SLC27A2: variants seen among roughly 807,000 people sequenced by gnomAD.
The protein encoded by SLC27A2 is solute carrier family 27 member 2.
A neutral mutation model predicts 60.0 loss-of-function variants in SLC27A2; 54 were observed. That is an observed-to-expected ratio of 0.90 (90% confidence interval 0.72 to 1.13). The LOEUF is 1.13. Among genes scored for constraint, SLC27A2 ranks in the 50% most tolerant of loss-of-function variants. The pLI is 0.00. For synonymous variants in SLC27A2, 297 were observed against 297.6 expected, an observed-to-expected ratio of 1.00 and a Z score of 0.02; for missense variants, 739 against 777.6, an observed-to-expected ratio of 0.95 and a Z score of 0.59.
At chr15:50,184,100 C>G (rs2044899472) in intron 1 of SLC27A2, among the ~76,000 whole-genome samples, 1 of 147,792 alleles carries the variant, frequency 6.8e-6, no homozygotes, top group East Asian at 2.1e-4. Context: ...AAGCGATCCT[C>G]CCAGCTCAGC....
chr15:50,201,549 G>GT (rs1297849251), intron 2 of SLC27A2, among the ~76,000 whole-genome samples: 1 of 151,018 alleles, frequency 6.6e-6, no homozygotes, highest in African/African-American at 2.4e-5. Context: ...ATGCAAAAGA[G>GT]TGTGCATATT....
At position 50,182,853 on chromosome 15, in the gene SLC27A2, C is replaced by T. The variant is rs1160558432; in HGVS notation, c.426C>T (p.Ser142=). The part of the protein sequence containing the change: ...ACLNYNIRAK[S]LLHCFQCCGA... ...TCAATTACAACATCCGCGCGAAGTC[C>T]CTGCTGCACTGCTTCCAGTGCTGCG... The change falls in exon 1 of 10, where the codon TCC becomes TCT. Residue 142 remains serine, a synonymous_variant. Coordinates refer to ENST00000267842, the MANE Select transcript of SLC27A2 (RefSeq NM_003645.4). The T allele has an allele frequency of 5.0e-6, 8 of 1,612,974 alleles. No homozygotes were observed. The highest frequency in any genetic ancestry group is 5.9e-6 in the Non-Finnish European group (7 of 1,179,938).
rs1000665865 is a variant in SLC27A2, at chr15:50,236,264, A to G, written c.*168A>G. 4.0e-6 allele frequency: 2 copies of G among 501,372 alleles called. No individual in the cohort carries two copies. The highest frequency in any genetic ancestry group is 4.5e-5 in the South Asian group (1 of 22,360). 31.1% of individuals were successfully genotyped at this position (501,372 alleles called of 1,614,324 possible). A position where few individuals can be genotyped will look rare whatever the true frequency, so the allele number is the denominator to read the frequency against. ...TAACAGTTGAGTCTTTGCAAGTAAA[A>G]AGATTTAGAGATTATTATTTTTCAG... is the stretch of plus-strand genomic sequence containing the variant. On this transcript the variant is annotated 3_prime_UTR_variant, in exon 10 of 10. Coordinates refer to ENST00000267842, the MANE Select transcript of SLC27A2 (RefSeq NM_003645.4).
chr15:50,197,932 G>A (rs1353609346), intron 2 of SLC27A2, among the ~76,000 whole-genome samples: 1 of 152,192 alleles, frequency 6.6e-6, no homozygotes, highest in African/African-American at 2.4e-5. Context: ...AACAGATAAA[G>A]AGGTTAACCA....
chr15:50,227,281 T>G, intron 7 of SLC27A2, 103 bp downstream of exon 7: 3 of 851,940 alleles, frequency 3.5e-6, no homozygotes, highest in Non-Finnish European at 5.7e-6. Flanking sequence ...TTTCCTTCTC[T>G]ATCTTTGGCA....
rs937487217 is a variant in SLC27A2 at position 50,211,862 on chromosome 15, G to C, written c.972+6499G>C. Among the ~76,000 whole-genome samples, 3 of 151,964 alleles carry C rather than the reference G, an allele frequency of 2.0e-5. No homozygotes were observed. The South Asian group carries it at 6.2e-4, about 32-fold the overall frequency. On this transcript the variant is annotated intron_variant, in intron 4 of 9. Transcript: ENST00000267842. Reference sequence around the variant, plus strand: ...TGAGGCAGGCAGATCACAAGGTCGGGAGATTGAGACCATCCTGGCTAACAC... The same window carrying C: ...TGAGGCAGGCAGATCACAAGGTCGGCAGATTGAGACCATCCTGGCTAACAC...
intron 7 of SLC27A2, 47 bp downstream of exon 7, chr15:50,227,225 T>A: frequency 6.7e-7 from 1 of 1,482,086 alleles, no homozygotes; most frequent in Non-Finnish European, 9.4e-7. Flanking sequence ...CACGCACAGT[T>A]TGGCTTACTC....
intron 1 of SLC27A2, among the ~76,000 whole-genome samples, chr15:50,190,181 G>A (rs1410204476): frequency 6.6e-6 from 1 of 152,168 alleles, no homozygotes; most frequent in Non-Finnish European, 1.5e-5. Flanking sequence ...TGATTGAGAT[G>A]CAAAATTACA....
chr15:50,233,905 G>A lies in SLC27A2; in HGVS notation c.1593G>A (p.Met531Ile). Residue 531 changes from methionine (M) to isoleucine (I), a missense_variant, in exon 9 of 10, where the codon ATG (methionine) becomes ATA (isoleucine). By Grantham distance (10) the Met-to-Ile change is conservative (BLOSUM62 1). Transcript: ENST00000267842. ...EGRIGMASIK[M>I]KENHEFDGKK... ...GCATTGGCATGGCCTCCATCAAAAT[G>A]AAAGAAAACCATGAATTTGATGGAA... is the stretch of plus-strand genomic sequence containing the variant. 6.2e-7 allele frequency: 1 copy of A among 1,613,848 alleles called. No homozygotes were observed. The highest frequency in any genetic ancestry group is 8.5e-7 in the Non-Finnish European group (1 of 1,179,848).
At chr15:50,220,132 G>A (rs934771029) in intron 4 of SLC27A2, among the ~76,000 whole-genome samples, 2 of 152,156 alleles carry the variant, frequency 1.3e-5, no homozygotes, top group African/African-American at 4.8e-5. Context: ...TCTTCAGCTG[G>A]ATGATGAAAA....
chr15:50,182,583 G>T lies in SLC27A2; in HGVS notation c.156G>T (p.Ala52=), dbSNP rs1273093638. Residue 52 remains alanine (A), a synonymous_variant, in exon 1 of 10, where the codon GCG becomes GCT. Coordinates refer to ENST00000267842, the MANE Select transcript of SLC27A2 (RefSeq NM_003645.4). The part of the protein sequence containing the change: ...RVRSYGKRRP[A]RTILRAFLEK... The stretch of plus-strand genomic sequence containing the variant: ...GCAGCTACGGGAAGCGGCGGCCGGC[G>T]CGCACCATCCTGCGGGCGTTCCTGG... 6.2e-7 allele frequency: 1 copy of T among 1,612,262 alleles called. No homozygotes were observed. Among genetic ancestry groups the T allele is most frequent in the East Asian group, 2.2e-5 (1 of 44,822 alleles).
Position 50,212,619 on chromosome 15 carries a change from A to T in SLC27A2, c.972+7256A>T, listed in dbSNP as rs1595687892. ...GCAGAAACCCTACAAGCTAGAAGGG[A>T]TTGGGGCCCTATCTTCAACCACCTC... On this transcript the variant is annotated intron_variant, in intron 4 of 9. Transcript: ENST00000267842. 2.6e-5 allele frequency among the ~76,000 whole-genome samples: 4 copies of T among 152,298 alleles called. No individual in the cohort carries two copies. The South Asian group carries it at 8.3e-4, about 32-fold the overall frequency.
chr15:50,231,785 A>G (rs1275647991), intron 8 of SLC27A2, among the ~76,000 whole-genome samples: 2 of 152,226 alleles, frequency 1.3e-5, no homozygotes, highest in Non-Finnish European at 2.9e-5. Context: ...GATGAGGAGC[A>G]GGTGTGTTCT....
chr15:50,192,799 A>AAAG (rs1555500298), intron 1 of SLC27A2, among the ~76,000 whole-genome samples: 17 of 151,604 alleles, frequency 1.1e-4, no homozygotes, highest in South Asian at 4.2e-4. Context: ...AAAAAAAAAA[A>AAAG]AAGAAGAAGA....
chr15:50,195,829 G>T (rs1281416497), intron 1 of SLC27A2, among the ~76,000 whole-genome samples: 2 of 150,732 alleles, frequency 1.3e-5, no homozygotes, highest in Non-Finnish European at 3.0e-5. Context: ...GCCGAGGCGG[G>T]CGGATCCCGA....
In SLC27A2 at chr15:50,227,069, C is replaced by T. The variant is rs1427536609; in HGVS notation, c.1348C>T (p.Leu450=). Residue 450 remains leucine (L), a synonymous_variant, in exon 7 of 10, where the codon CTG becomes TTG. Coordinates refer to ENST00000267842, the MANE Select transcript of SLC27A2 (RefSeq NM_003645.4). ...GAKAQTEKKK[L]RDVFKKGDLY... is the part of the protein sequence containing the mutation. ...AAAGGCTCAGACAGAGAAGAAAAAACTGAGAGATGTCTTTAAGAAAGGAGA... is the reference window on the plus strand; with the variant it reads ...AAAGGCTCAGACAGAGAAGAAAAAATTGAGAGATGTCTTTAAGAAAGGAGA... 1.2e-6 allele frequency: 2 copies of T among 1,614,118 alleles called. No individual in the cohort carries two copies. The highest frequency in any genetic ancestry group is 1.7e-6 in the Non-Finnish European group (2 of 1,179,958).
In SLC27A2 at chr15:50,182,657, A is replaced by T; in HGVS notation, c.230A>T (p.Glu77Val). Residue 77 changes from glutamate (E) to valine (V), a missense_variant, in exon 1 of 10, where the codon GAG becomes GTG. Physicochemically the swap from Glu to Val is moderately radical, Grantham distance 121 (BLOSUM62 -2). Transcript: ENST00000267842. ...PHKPFLLFRD[E>V]TLTYAQVDRR... ...AAGCCTTTTCTGCTCTTCCGCGACG[A>T]GACTCTCACCTACGCGCAGGTGGAC... 6.2e-7 allele frequency: 1 copy of T among 1,613,998 alleles called. No homozygotes were observed. Among genetic ancestry groups the T allele is most frequent in the Non-Finnish European group, 8.5e-7 (1 of 1,179,930 alleles).
chr15:50,228,738 A>G (rs1272535973), intron 7 of SLC27A2, among the ~76,000 whole-genome samples: 3 of 152,322 alleles, frequency 2.0e-5, no homozygotes, highest in Admixed American at 2.0e-4. Flanking sequence ...TTGAAATTCC[A>G]TATTTTGTTA....
intron 4 of SLC27A2, among the ~76,000 whole-genome samples, chr15:50,220,287 T>C (rs950546915): frequency 2.0e-5 from 3 of 152,178 alleles, no homozygotes; most frequent in Admixed American, 2.0e-4. Flanking sequence ...TGGCCACTAA[T>C]TATTGAACAG....
Sources: gnomAD v4.1 joint callset for allele counts (sites outside exome capture counted in the v4.1 genomes callset) on GRCh38, gnomAD v4.1.1 for gene constraint, MANE v1.5 for transcripts, NCBI Gene and HGNC (gene_info 2026-07-23, HGNC 2026-07-21) for gene names.